FHOD3: variants seen among roughly 807,000 people sequenced by gnomAD.
The protein encoded by FHOD3 is FH1/FH2 domain-containing protein 3.
A neutral mutation model predicts 173.0 loss-of-function variants in FHOD3; 90 were observed. The ratio of observed to expected loss-of-function variants is 0.52; its 90% confidence interval spans 0.44 to 0.62. The LOEUF (loss-of-function observed/expected upper bound fraction) is 0.62. Among genes scored for constraint, FHOD3 ranks in the 20% least tolerant of loss-of-function variants. FHOD3 has a pLI of 0.00. For synonymous variants in FHOD3, 828 were observed against 823.0 expected (o/e 1.01, Z -0.10); for missense variants, 1,945 against 2,034.7 (o/e 0.96, Z 0.85).
At chr18:36,757,397 C>T (rs975191073) in intron 25 of FHOD3, among the ~76,000 whole-genome samples, 28 of 152,086 alleles carry the variant, frequency 1.8e-4, no homozygotes, top group African/African-American at 5.8e-4. Flanking sequence ...CATTGTGCAT[C>T]CAGCAGTGCC....
At chr18:36,519,209 A>G (rs748356942) in intron 5 of FHOD3, among the ~76,000 whole-genome samples, 1 of 152,036 alleles carries the variant, frequency 6.6e-6, no homozygotes, top group Non-Finnish European at 1.5e-5. Context: ...CCCCAAATGG[A>G]CTTAAATTGG....
At chr18:36,618,268 C>A (rs574772685) in intron 9 of FHOD3, among the ~76,000 whole-genome samples, 1 of 143,320 alleles carries the variant, frequency 7.0e-6, no homozygotes, top group South Asian at 2.3e-4. Flanking sequence ...ACCATCATTG[C>A]ATTCTTGTAA....
At chr18:36,766,577 G>T (rs1382215958) in intron 27 of FHOD3, among the ~76,000 whole-genome samples, 1 of 152,176 alleles carries the variant, frequency 6.6e-6, no homozygotes, top group South Asian at 2.1e-4. Flanking sequence ...TACATGACTA[G>T]GAAGAATGGA....
chr18:36,617,932 T>A (rs968649809), intron 9 of FHOD3, among the ~76,000 whole-genome samples: 1 of 152,186 alleles, frequency 6.6e-6, no homozygotes, highest in Non-Finnish European at 1.5e-5. Context: ...CCATTTCATC[T>A]GTATTTTAAA....
intron 24 of FHOD3, among the ~76,000 whole-genome samples, chr18:36,750,628 T>C (rs1164594327): frequency 6.6e-6 from 1 of 152,250 alleles, no homozygotes; most frequent in Non-Finnish European, 1.5e-5. Context: ...TTTTGGGTTT[T>C]ACATTTAAGT....
intron 5 of FHOD3, among the ~76,000 whole-genome samples, chr18:36,573,120 C>T (rs2058513003): frequency 6.6e-6 from 1 of 150,870 alleles, no homozygotes; most frequent in Non-Finnish European, 1.5e-5. Flanking sequence ...AAGCATGTAA[C>T]ACCTCACATT....
chr18:36,339,166 G>A (rs1018928536), intron 1 of FHOD3, among the ~76,000 whole-genome samples: 1 of 152,124 alleles, frequency 6.6e-6, no homozygotes, highest in African/African-American at 2.4e-5. Context: ...TTAGGATATT[G>A]GGGTATGTTC....
chr18:36,621,605 A>G (rs1023897673), intron 9 of FHOD3, among the ~76,000 whole-genome samples: 1 of 152,226 alleles, frequency 6.6e-6, no homozygotes, highest in Non-Finnish European at 1.5e-5. Context: ...CAAAAAGGCA[A>G]GTCCCAGTGT....
chr18:36,526,026 C>T (rs1042375612), intron 5 of FHOD3, among the ~76,000 whole-genome samples: 2 of 152,242 alleles, frequency 1.3e-5, no homozygotes, highest in Non-Finnish European at 2.9e-5. Context: ...TGAAGACAAG[C>T]ATGGGCACTG....
chr18:36,699,933 C>A (rs1181105308), intron 17 of FHOD3, among the ~76,000 whole-genome samples: 2 of 152,018 alleles, frequency 1.3e-5, no homozygotes, highest in African/African-American at 4.8e-5. Context: ...CTGGATCCAT[C>A]CCCCTCTGGA....
chr18:36,463,743 G>A (rs746676407), intron 3 of FHOD3, among the ~76,000 whole-genome samples: 9 of 152,056 alleles, frequency 5.9e-5, no homozygotes, highest in Non-Finnish European at 1.3e-4. Flanking sequence ...CAATCTGCCC[G>A]CCTTAGCCTC....
chr18:36,393,087 T>C (rs2048378647), intron 3 of FHOD3, among the ~76,000 whole-genome samples: 1 of 152,270 alleles, frequency 6.6e-6, no homozygotes, highest in Non-Finnish European at 1.5e-5. Context: ...GCAGAAATGC[T>C]GCAGCCAGCT....
At chr18:36,694,348 A>G (rs1319730647) in intron 17 of FHOD3, among the ~76,000 whole-genome samples, 2 of 152,132 alleles carry the variant, frequency 1.3e-5, no homozygotes, top group East Asian at 3.8e-4. Flanking sequence ...ATGGAACGAT[A>G]TTGTCTGTCC....
At chr18:36,612,386 G>T (rs577042292) in intron 9 of FHOD3, among the ~76,000 whole-genome samples, 9 of 152,202 alleles carry the variant, frequency 5.9e-5, no homozygotes, top group Non-Finnish European at 1.3e-4. Context: ...TTTGTCAGCG[G>T]CACCTTCACT....
chr18:36,665,348 A>G (rs1341516586), intron 14 of FHOD3, among the ~76,000 whole-genome samples: 1 of 152,232 alleles, frequency 6.6e-6, no homozygotes, highest in African/African-American at 2.4e-5. Context: ...CAGGGCTTAC[A>G]CTTCAGTGGC....
chr18:36,301,534 G>A (rs1330034379), intron 1 of FHOD3, among the ~76,000 whole-genome samples: 1 of 152,160 alleles, frequency 6.6e-6, no homozygotes, highest in East Asian at 1.9e-4. Context: ...TTGGGGAGAT[G>A]TTCATTTTGA....
At position 36,718,156 on chromosome 18, in the gene FHOD3, C is replaced by G; in HGVS notation, c.2858C>G (p.Ser953Cys). 1 of 1,609,584 alleles carries G rather than the reference C, an allele frequency of 6.2e-7. No individual in the cohort carries two copies. The highest frequency in any genetic ancestry group is 8.5e-7 in the Non-Finnish European group (1 of 1,177,646). The change falls in exon 19 of 29, where the codon TCC becomes TGC. Residue 953 changes from serine to cysteine, a missense_variant. Ser to Cys is a moderately radical substitution (Grantham distance 112). This residue lies in a region of FHOD3 where 1,099 missense variants were observed against 1,051.2 expected (regional missense o/e 1.05). Transcript: ENST00000590592. ...KFNSGDLGRG[S>C]ISPDAEPNDK... ...AACAGTGGGGACCTGGGGAGAGGTT[C>G]CATCTCCCCTGATGCTGAGCCCAAT...
In FHOD3 at chr18:36,299,745, C is replaced by T. The variant is rs773550012; in HGVS notation, c.165+1745C>T. 7.8e-4 allele frequency among the ~76,000 whole-genome samples: 118 copies of T among 152,162 alleles called. 1 individual carries two copies. The highest frequency in any genetic ancestry group is 1.4e-3 in the Non-Finnish European group (93 of 68,032). On this transcript the variant is annotated intron_variant, in intron 1 of 28. Transcript: ENST00000590592. The stretch of plus-strand genomic sequence containing the variant: ...GCTTGCAGAACTTTCTAAGGTGTCC[C>T]TTATGGAATGAACAGAACCAGAAGT...
At chr18:36,752,144 A>G (rs1941664523) in intron 24 of FHOD3, among the ~76,000 whole-genome samples, 1 of 152,202 alleles carries the variant, frequency 6.6e-6, no homozygotes, top group Non-Finnish European at 1.5e-5. Flanking sequence ...TCTCACAAGA[A>G]CAGGATGGGG....
Sources: gnomAD v4.1 joint callset for allele counts (sites outside exome capture counted in the v4.1 genomes callset) on GRCh38, gnomAD v4.1.1 for gene constraint, gnomAD v4.1.1 regional missense constraint, MANE v1.5 for transcripts, NCBI Gene and HGNC (gene_info 2026-07-23, HGNC 2026-07-21) for gene names.